EFNA5: variants seen among roughly 807,000 people sequenced by gnomAD.
EFNA5 encodes ephrin A5, also known as ephrin-A5.
Under a neutral mutation model 22.9 loss-of-function variants are expected in EFNA5, and 5 were observed. That is an observed-to-expected ratio of 0.22 (90% CI 0.11 to 0.46). EFNA5 has a LOEUF of 0.46. EFNA5 is among the 20% of genes least tolerant of loss of function. EFNA5 has a pLI of 0.99. For missense variants in EFNA5, 237 were observed against 293.3 expected (o/e 0.81, Z 1.40); for synonymous variants, 113 against 112.2 (o/e 1.01, Z -0.04).
chr5:107,635,145 A>C (rs1321035342), intron 1 of EFNA5, among the ~76,000 whole-genome samples: 1 of 152,248 alleles, frequency 6.6e-6, no homozygotes, highest in Non-Finnish European at 1.5e-5. Context: ...TGTCAAATTA[A>C]AGCGGAGCAA....
At chr5:107,636,392 G>T (rs777040915) in intron 1 of EFNA5, among the ~76,000 whole-genome samples, 1 of 152,164 alleles carries the variant, frequency 6.6e-6, no homozygotes, top group Non-Finnish European at 1.5e-5. Flanking sequence ...AAAGCACAAA[G>T]CATGTTCAAA....
chr5:107,509,348 T>C (rs1243255545), intron 1 of EFNA5, among the ~76,000 whole-genome samples: 1 of 151,568 alleles, frequency 6.6e-6, no homozygotes, highest in Non-Finnish European at 1.5e-5. Flanking sequence ...AGGTGGAGTC[T>C]CACCCTGTCG....
At chr5:107,668,250 T>C (rs371771480) in intron 1 of EFNA5, among the ~76,000 whole-genome samples, 12 of 152,336 alleles carry the variant, frequency 7.9e-5, no homozygotes, top group African/African-American at 2.9e-4. Context: ...GATTTAGAAA[T>C]ACTCTTGGTA....
intron 4 of EFNA5, among the ~76,000 whole-genome samples, chr5:107,385,857 C>T (rs1252604953): frequency 6.6e-6 from 1 of 152,120 alleles, no homozygotes; most frequent in African/African-American, 2.4e-5. Context: ...TCTAAAGCAG[C>T]TAACTGATCC....
intron 1 of EFNA5, among the ~76,000 whole-genome samples, chr5:107,666,957 T>C (rs180781919): frequency 2.0e-5 from 3 of 152,238 alleles, no homozygotes; most frequent in East Asian, 3.9e-4. Flanking sequence ...GAAGTCTTTT[T>C]AACTTTATTT....
rs1431037262 is a variant in EFNA5 at position 107,489,897 on chromosome 5, G to A, written c.126-62388C>T. On this transcript the variant is annotated intron_variant, in intron 1 of 4. Coordinates refer to ENST00000333274, the MANE Select transcript of EFNA5 (RefSeq NM_001962.3). ...ACATCCTGAGATAAGAGGGGACCTG[G>A]CTGAAACAGCTGGACTTAGTTCCAA... Among the ~76,000 whole-genome samples the A allele has an allele frequency of 2.6e-5, 4 of 152,184 alleles. No homozygotes were observed. The East Asian group carries it at 5.8e-4, about 22-fold the overall frequency.
Position 107,417,535 on chromosome 5 carries a change from C to T in EFNA5, c.418+9682G>A, listed in dbSNP as rs546116169. Among the ~76,000 whole-genome samples, 4 of 152,230 alleles carry T rather than the reference C, an allele frequency of 2.6e-5. No homozygotes were observed. The East Asian group carries it at 7.7e-4, about 29-fold the overall frequency. ...AACCATATTTCAAGCCCAAAGGATA[C>T]TCATGAACTAAAATAATGAATGATA... On this transcript the variant is annotated intron_variant, in intron 2 of 4. Coordinates refer to ENST00000333274, the MANE Select transcript of EFNA5 (RefSeq NM_001962.3).
At chr5:107,556,790 A>ATATAACAT (rs1554066399) in intron 1 of EFNA5, among the ~76,000 whole-genome samples, 1 of 140,548 alleles carries the variant, frequency 7.1e-6, no homozygotes, top group Non-Finnish European at 1.6e-5. Context: ...ATAAATAAAT[A>ATATAACAT]AAATAAAATA....
intron 1 of EFNA5, among the ~76,000 whole-genome samples, chr5:107,455,774 C>A (rs546574883): frequency 6.6e-6 from 1 of 152,146 alleles, no homozygotes; most frequent in Admixed American, 6.6e-5. Flanking sequence ...ATTGTTGCAA[C>A]CTGGTTATGG....
At chr5:107,585,714 AGT>A (rs879633231) in intron 1 of EFNA5, among the ~76,000 whole-genome samples, 3,790 of 152,334 alleles carry the variant, frequency 0.025, 151 homozygotes, top group African/African-American at 0.078. Context: ...TTTAAAATCA[AGT>A]CAATCCCCAA....
At chr5:107,460,479 C>T (rs1038680373) in intron 1 of EFNA5, among the ~76,000 whole-genome samples, 1 of 152,178 alleles carries the variant, frequency 6.6e-6, no homozygotes, top group Non-Finnish European at 1.5e-5. Flanking sequence ...GGCTCAGTTG[C>T]AGTCTGTCAC....
chr5:107,386,054 G>A (rs1405489263), intron 4 of EFNA5, among the ~76,000 whole-genome samples: 2 of 140,242 alleles, frequency 1.4e-5, no homozygotes, highest in African/African-American at 2.7e-5. Flanking sequence ...TTTCCCTAAG[G>A]TTCATTGACT....
chr5:107,466,470 G>A (rs928298700), intron 1 of EFNA5, among the ~76,000 whole-genome samples: 14 of 152,226 alleles, frequency 9.2e-5, no homozygotes, highest in Admixed American at 5.9e-4. Context: ...CTCAGTGTCT[G>A]CCTGTTTTAA....
intron 4 of EFNA5, among the ~76,000 whole-genome samples, chr5:107,386,758 G>A (rs1747635598): frequency 6.6e-6 from 1 of 152,110 alleles, no homozygotes; most frequent in African/African-American, 2.4e-5. Context: ...AATGATGCAT[G>A]TAAATTTCTA....
intron 1 of EFNA5, chr5:107,506,257 T>G (rs969882042): frequency 1.4e-4 from 21 of 152,206 alleles, no homozygotes; most frequent in Non-Finnish European, 2.4e-4. Flanking sequence ...TTATAACTAT[T>G]TGTCTGCATG....
intron 1 of EFNA5, among the ~76,000 whole-genome samples, chr5:107,601,422 T>TTC (rs5870274): frequency 0.54 from 81,608 of 151,902 alleles, 24,656 homozygotes; most frequent in African/African-American, 0.81. Context: ...CTGCACCATC[T>TTC]TCAGGACTGT....
intron 1 of EFNA5, among the ~76,000 whole-genome samples, chr5:107,433,132 G>T (rs931747949): frequency 1.3e-5 from 2 of 152,098 alleles, no homozygotes; most frequent in African/African-American, 4.8e-5. Flanking sequence ...GGAGTCAAAA[G>T]TTATACCTGG....
At chr5:107,606,568 C>G (rs1016044486) in intron 1 of EFNA5, among the ~76,000 whole-genome samples, 7 of 149,858 alleles carry the variant, frequency 4.7e-5, no homozygotes, top group African/African-American at 1.7e-4. Flanking sequence ...CACACACACA[C>G]ACACACACAC....
chr5:107,651,285 T>A (rs577796354), intron 1 of EFNA5, among the ~76,000 whole-genome samples: 1 of 152,280 alleles, frequency 6.6e-6, no homozygotes, highest in Non-Finnish European at 1.5e-5. Flanking sequence ...TCAGGATTTT[T>A]AAAAATGATG....
Sources: allele counts gnomAD v4.1 joint callset (sites outside exome capture counted in the v4.1 genomes callset), GRCh38; gene constraint gnomAD v4.1.1; transcripts MANE v1.5; gene names NCBI Gene and HGNC (gene_info 2026-07-23, HGNC 2026-07-21).